PAK6: variants seen among roughly 807,000 people sequenced by gnomAD.
PAK6 encodes the protein serine/threonine-protein kinase PAK 6.
In PAK6, 33 loss-of-function variants were observed where a neutral mutation model predicts 60.8. The ratio of observed to expected loss-of-function variants is 0.54; its 90% CI spans 0.41 to 0.73. The LOEUF (loss-of-function observed/expected upper bound fraction) is 0.73. PAK6 is among the 30% of genes least tolerant of loss of function. The pLI, the probability that PAK6 is intolerant of heterozygous loss-of-function variation, is 0.00. For missense variants in PAK6, 845 were observed against 904.1 expected (o/e 0.93, Z 0.84); for synonymous variants, 404 against 378.5 (o/e 1.07, Z -0.78).
At chr15:40,242,943 C>T (rs541475507) in intron 2 of PAK6, among the ~76,000 whole-genome samples, 33 of 152,228 alleles carry the variant, frequency 2.2e-4, no homozygotes, top group Admixed American at 2.0e-3. Flanking sequence ...GAGCTCTTGC[C>T]CTGGGGATGC....
At chr15:40,244,561 C>G (rs1182529806) in intron 2 of PAK6, among the ~76,000 whole-genome samples, 1 of 151,686 alleles carries the variant, frequency 6.6e-6, no homozygotes, top group East Asian at 2.0e-4. Flanking sequence ...CCATGCCCGG[C>G]TGATTTTTGT....
At chr15:40,264,175 G>A (rs1075508) in intron 3 of PAK6, among the ~76,000 whole-genome samples, 19,550 of 151,606 alleles carry the variant, frequency 0.13, 1,679 homozygotes, top group African/African-American at 0.24. Context: ...TTTTATTAAC[G>A]TATCATATTA....
chr15:40,267,194 G>C (rs1332412574), intron 5 of PAK6, among the ~76,000 whole-genome samples: 2 of 148,296 alleles, frequency 1.3e-5, no homozygotes, highest in Non-Finnish European at 3.0e-5. Context: ...GCTGACAGTG[G>C]CATGGGTAAT....
At chr15:40,262,075 C>T (rs1175808903) in intron 3 of PAK6, among the ~76,000 whole-genome samples, 1 of 152,160 alleles carries the variant, frequency 6.6e-6, no homozygotes, top group Non-Finnish European at 1.5e-5. Flanking sequence ...GCGGATTCAC[C>T]AGCTCTTCTT....
rs1434350383 is a variant in PAK6 at position 40,268,665 on chromosome 15, CT to C, written c.858+2171del. Among the ~76,000 whole-genome samples, 5 of 152,320 alleles carry C rather than the reference CT, an allele frequency of 3.3e-5. No homozygotes were observed. The East Asian group carries it at 9.7e-4, about 29-fold the overall frequency. ...GGTCTGAGTATAGACTCCAGGGCTC[CT>C]GTACCTAGCCCCAGGCAGTGAGGCC... On this transcript the variant is annotated intron_variant, in intron 5 of 10. Transcript: ENST00000560346.
exon 4 of PAK6, chr15:40,264,846 C>G (rs748484001): frequency 6.2e-7 from 1 of 1,614,016 alleles, no homozygotes. Flanking sequence ...CTTCCAGCAC[C>G]GTGTCCACAC....
At chr15:40,252,439 G>C in intron 2 of PAK6, 1 of 1,358,866 alleles carries the variant, frequency 7.4e-7, no homozygotes, top group South Asian at 1.1e-5. Context: ...GAGCAGCACG[G>C]CGCCCCTCGG....
intron 4 of PAK6, 56 bp from the exon 5 acceptor site, chr15:40,265,786 C>T (rs1335454661): frequency 2.7e-6 from 4 of 1,472,310 alleles, no homozygotes; most frequent in Non-Finnish European, 2.7e-6. Context: ...CTCCCAGCCA[C>T]CCCTCCCTGC....
At chr15:40,259,425 C>T (rs1055306359) in intron 3 of PAK6, 23 of 152,262 alleles carry the variant, frequency 1.5e-4, no homozygotes, top group African/African-American at 5.5e-4. Context: ...ACACTGGTCC[C>T]GTTCAGGTGG....
At chr15:40,255,209 C>T (rs572065494) in intron 3 of PAK6, among the ~76,000 whole-genome samples, 2 of 152,236 alleles carry the variant, frequency 1.3e-5, no homozygotes, top group South Asian at 2.1e-4. Context: ...TAGGGTAGGC[C>T]GGGCGCGGTG....
chr15:40,251,627 T>C (rs1461030064), intron 2 of PAK6: 1 of 152,636 alleles, frequency 6.6e-6, no homozygotes, highest in African/African-American at 2.4e-5. Context: ...CAGCCACCAC[T>C]TGACGGCAGC....
chr15:40,252,645 C>T (rs776112408), intron 2 of PAK6: 5 of 1,327,730 alleles, frequency 3.8e-6, no homozygotes, highest in East Asian at 4.9e-5. Context: ...AGGGCGGGCC[C>T]GGCTCCCACG....
At chr15:40,250,539 T>G (rs1402088950) in intron 2 of PAK6, 1 of 152,072 alleles carries the variant, frequency 6.6e-6, no homozygotes, top group Non-Finnish European at 1.5e-5. Flanking sequence ...CCACTGTAGC[T>G]CCCAAGGGGT....
At chr15:40,252,308 C>T (rs759399859) in intron 2 of PAK6, 1 of 1,236,246 alleles carries the variant, frequency 8.1e-7, no homozygotes, top group Admixed American at 3.0e-5. Flanking sequence ...CAGGTCGGGT[C>T]TCCGCGAGGC....
At chr15:40,272,698 C>T (rs780508332) in exon 6 of PAK6, 16 of 1,595,166 alleles carry the variant, frequency 1.0e-5, no homozygotes, top group East Asian at 4.5e-5. Context: ...GAAGCAGCAG[C>T]GCAGGGAGCT....
At chr15:40,252,422 A>T (rs1333991800) in intron 2 of PAK6, 22 of 1,355,322 alleles carry the variant, frequency 1.6e-5, no homozygotes, top group Non-Finnish European at 2.2e-5. Context: ...GGTGGAGAGA[A>T]AGAGTTGAGC....
chr15:40,240,886 T>G (rs2038310088), intron 2 of PAK6, among the ~76,000 whole-genome samples: 1 of 152,144 alleles, frequency 6.6e-6, no homozygotes, highest in African/African-American at 2.4e-5. Context: ...GGTCTCTGGC[T>G]CCCTAGCTAG....
rs771287225 is a variant in PAK6 at position 40,273,003 on chromosome 15, G to A, written c.1490+4G>A. On this transcript the variant is annotated splice_donor_region_variant and intron_variant, in intron 7 of 10. Coordinates refer to ENST00000560346, the Ensembl canonical transcript of PAK6. ...CAGACATCGTCTCCCAAGTCAGGTG[G>A]GCAGCTGGGAGGGCTGGACCCTGAG... 1 of 1,613,398 alleles carries A rather than the reference G, an allele frequency of 6.2e-7. No individual in the cohort carries two copies. The highest frequency in any genetic ancestry group is 1.1e-5 in the South Asian group (1 of 91,076).
chr15:40,276,216 C>A (rs568122908), exon 11 of PAK6: 3 of 980,962 alleles, frequency 3.1e-6, no homozygotes, highest in Admixed American at 4.1e-5. Context: ...AAATGTGAAG[C>A]CCCAGCCCCA....
Sources: gnomAD v4.1 joint callset for allele counts (sites outside exome capture counted in the v4.1 genomes callset) on GRCh38, gnomAD v4.1.1 for gene constraint, MANE v1.5 for transcripts, NCBI Gene and HGNC (gene_info 2026-07-23, HGNC 2026-07-21) for gene names.